The following PCDHA10 variants were observed in gnomAD, a reference collection of about 807,000 sequenced individuals.
The protein encoded by PCDHA10 is protocadherin alpha-10.
Under a neutral mutation model 61.2 loss-of-function variants are expected in PCDHA10, and 45 were observed. The observed-to-expected ratio is 0.74, with a 90% CI of 0.58 to 0.94. The LOEUF is 0.94. Ranked by LOEUF, PCDHA10 falls within the 40% of genes least tolerant of loss-of-function variation. The probability of loss-of-function intolerance (pLI) is 0.00; values close to 1 mark genes in which losing one functional copy is unlikely to be tolerated. For missense variants in PCDHA10, 1,278 were observed against 1,236.2 expected, an observed-to-expected ratio of 1.03 and a Z score of -0.51; for synonymous variants, 602 against 548.8, an observed-to-expected ratio of 1.10 and a Z score of -1.35.
At chr5:140,967,996 C>T in intron 1 of PCDHA10, 2 of 1,614,214 alleles carry the variant, frequency 1.2e-6, no homozygotes, top group Non-Finnish European at 1.7e-6. Flanking sequence ...CACTGCCTTT[C>T]CGACTGAATG....
chr5:140,875,657 G>A (rs1241102848), intron 1 of PCDHA10: 1 of 1,613,738 alleles, frequency 6.2e-7, no homozygotes, highest in South Asian at 1.1e-5. Context: ...CTGGTGCCGC[G>A]CCTGTTCCGG....
At chr5:140,987,149 G>C (rs1380803903) in intron 3 of PCDHA10, among the ~76,000 whole-genome samples, 2 of 151,884 alleles carry the variant, frequency 1.3e-5, no homozygotes, top group African/African-American at 4.8e-5. Flanking sequence ...GGGAGGTGGA[G>C]GTTGCAGTGA....
chr5:140,928,675 T>C (rs782241604), intron 1 of PCDHA10: 1 of 1,614,210 alleles, frequency 6.2e-7, no homozygotes, highest in South Asian at 1.1e-5. Flanking sequence ...TTCTAATGCC[T>C]GGCTTTCCTA....
intron 1 of PCDHA10, among the ~76,000 whole-genome samples, chr5:140,888,659 C>A (rs1373585694): frequency 6.6e-6 from 1 of 152,198 alleles, no homozygotes; most frequent in Non-Finnish European, 1.5e-5. Context: ...AGGACACCAC[C>A]TAATGCCCTG....
intron 1 of PCDHA10, among the ~76,000 whole-genome samples, chr5:140,908,509 A>G (rs1458307706): frequency 1.3e-5 from 2 of 152,116 alleles, no homozygotes; most frequent in Non-Finnish European, 2.9e-5. Flanking sequence ...TGACTTGATG[A>G]CCCATAGTCA....
At chr5:140,905,787 G>C (rs1468265319) in intron 1 of PCDHA10, among the ~76,000 whole-genome samples, 1 of 152,012 alleles carries the variant, frequency 6.6e-6, no homozygotes, top group African/African-American at 2.4e-5. Flanking sequence ...TATTAGTCAG[G>C]GTTCTCTAGA....
chr5:140,945,887 A>G (rs1291923718), intron 1 of PCDHA10, among the ~76,000 whole-genome samples: 2 of 152,132 alleles, frequency 1.3e-5, no homozygotes, highest in Admixed American at 1.3e-4. Flanking sequence ...AACAAAGAAA[A>G]CACAGTGGGA....
chr5:140,928,771 A>G lies in PCDHA10; in HGVS notation c.2389-50178A>G, dbSNP rs1554206294. 2 of 1,613,880 alleles carry G rather than the reference A, an allele frequency of 1.2e-6. No individual in the cohort carries two copies. Among genetic ancestry groups the G allele is most frequent in the East Asian group, 2.2e-5 (1 of 44,892 alleles). ...CCGTACTGCTCGCTTAGTTCTTCCC[A>G]CTGATGCAGTTAAGCAGAGGGTGGT... On this transcript the variant is annotated intron_variant, in intron 1 of 3. Coordinates refer to ENST00000307360, the MANE Select transcript of PCDHA10 (RefSeq NM_018901.4).
rs1441459097 is a variant in PCDHA10 at position 140,858,318 on chromosome 5, G to A, written c.2270G>A (p.Cys757Tyr). ...SYSQQRRQRV[C>Y]SGEGLPKADL... ...TCGCAGCAGAGGCGGCAGAGGGTGT[G>A]TTCTGGGGAGGGCCTGCCCAAGGCG... Residue 757 changes from cysteine to tyrosine, a missense_variant, in exon 1 of 4, where the codon TGT becomes TAT. Physicochemically the swap from Cys to Tyr is radical, Grantham distance 194. Coordinates refer to ENST00000307360, the MANE Select transcript of PCDHA10 (RefSeq NM_018901.4). 1 of 1,596,952 alleles carries A rather than the reference G, an allele frequency of 6.3e-7. No individual in the cohort carries two copies. The highest frequency in any genetic ancestry group is 1.3e-5 in the African/African-American group (1 of 74,374).
At chr5:140,991,440 C>T (rs2097452926) in intron 3 of PCDHA10, among the ~76,000 whole-genome samples, 1 of 152,190 alleles carries the variant, frequency 6.6e-6, no homozygotes, top group Non-Finnish European at 1.5e-5. Context: ...AACTTCATGG[C>T]TTAAAACAAC....
chr5:140,966,818 C>G (rs1376177382), intron 1 of PCDHA10: 1 of 1,554,298 alleles, frequency 6.4e-7, no homozygotes, highest in Admixed American at 1.9e-5. Context: ...ACGGCTCCGG[C>G]GGCCCATGCC....
Position 140,876,293 on chromosome 5 carries a change from A to G in PCDHA10, c.2388+17857A>G, listed in dbSNP as rs201253884. Reference sequence around the variant, plus strand: ...GCTTCCGATCCAGACGAAGGACTTAATGGAGAAATTTCCTATGGGATCAAA... The same window carrying G: ...GCTTCCGATCCAGACGAAGGACTTAGTGGAGAAATTTCCTATGGGATCAAA... On this transcript the variant is annotated intron_variant, in intron 1 of 3. Transcript: ENST00000307360. The G allele has an allele frequency of 9.9e-6, 16 of 1,613,942 alleles. No homozygotes were observed. The highest frequency in any genetic ancestry group is 2.5e-6 in the Non-Finnish European group (3 of 1,179,906).
In PCDHA10 at chr5:140,869,220, C is replaced by T. The variant is rs184355295; in HGVS notation, c.2388+10784C>T. 1,109 of 1,613,836 alleles carry T rather than the reference C, an allele frequency of 6.9e-4. 5 individuals are homozygous for T. The African/African-American group carries it at 0.013, about 19-fold the overall frequency. On this transcript the variant is annotated intron_variant, in intron 1 of 3. Coordinates refer to ENST00000307360, the MANE Select transcript of PCDHA10 (RefSeq NM_018901.4). ...TCCACTACTCCGTCTCGGAGGAGGC[C>T]AAACACGGCACCTTCGTGGGCCGCA...
chr5:140,892,219 A>T (rs1248122428), intron 1 of PCDHA10, among the ~76,000 whole-genome samples: 2 of 152,118 alleles, frequency 1.3e-5, no homozygotes, highest in Non-Finnish European at 2.9e-5. Flanking sequence ...TTGTATCTTT[A>T]TGGTGTTTTG....
chr5:140,996,803 G>A (rs2097746425), intron 3 of PCDHA10, among the ~76,000 whole-genome samples: 1 of 152,224 alleles, frequency 6.6e-6, no homozygotes, highest in African/African-American at 2.4e-5. Flanking sequence ...ATCCAATCAT[G>A]CTTTCCAAAA....
chr5:141,009,021 G>A (rs997779963), intron 3 of PCDHA10, among the ~76,000 whole-genome samples: 1 of 152,246 alleles, frequency 6.6e-6, no homozygotes, highest in Non-Finnish European at 1.5e-5. Context: ...TTTAGGCTCT[G>A]TATTTCCCAT....
chr5:140,856,261 G>C lies in PCDHA10; in HGVS notation c.213G>C (p.Gly71=), dbSNP rs782582964. The C allele has an allele frequency of 6.3e-7, 1 of 1,598,154 alleles. No homozygotes were observed. ...TCCGGGTGGCGTCCAAAAGACACGG[G>C]GACCTTCTGGAGGTAAATCTGCAGA... The part of the protein sequence containing the change: ...RLFRVASKRH[G]DLLEVNLQNG... Residue 71 remains glycine, a synonymous_variant, in exon 1 of 4, where the codon GGG becomes GGC. Transcript: ENST00000307360.
At chr5:140,964,802 GA>G (rs1187447949) in intron 1 of PCDHA10, among the ~76,000 whole-genome samples, 2 of 151,946 alleles carry the variant, frequency 1.3e-5, no homozygotes, top group African/African-American at 4.8e-5. Context: ...CCCAAGAAAG[GA>G]GACAGGAATA....
At chr5:140,968,187 A>G in intron 1 of PCDHA10, 3 of 1,614,064 alleles carry the variant, frequency 1.9e-6, no homozygotes, top group Non-Finnish European at 2.5e-6. Context: ...GAGGACTCCT[A>G]TTCCATCTAC....
Sources: gnomAD v4.1 joint callset for allele counts (sites outside exome capture counted in the v4.1 genomes callset) on GRCh38, gnomAD v4.1.1 for gene constraint, MANE v1.5 for transcripts, NCBI Gene and HGNC (gene_info 2026-07-23, HGNC 2026-07-21) for gene names.